Variants in LUZP1 observed in about 807,000 individuals in gnomAD.
LUZP1 encodes leucine zipper protein 1, also known as filamin mechanobinding actin cross-linking protein.
A neutral mutation model predicts 71.3 loss-of-function variants in LUZP1; 25 were observed. The ratio of observed to expected loss-of-function variants is 0.35; its 90% CI spans 0.26 to 0.49. LUZP1 has a LOEUF of 0.49. Ranked by LOEUF, LUZP1 falls within the 20% of genes least tolerant of loss-of-function variation. LUZP1 has a pLI of 0.99. For synonymous variants in LUZP1, 481 were observed against 506.4 expected (o/e 0.95, Z 0.67); for missense variants, 1,142 against 1,300.8 (o/e 0.88, Z 1.88).
intron 2 of LUZP1, among the ~76,000 whole-genome samples, chr1:23,159,595 T>C (rs1048761793): frequency 3.9e-5 from 6 of 152,176 alleles, no homozygotes; most frequent in South Asian, 2.1e-4. Context: ...TGAAACATGA[T>C]AGGTACTCAA....
exon 5 of LUZP1, chr1:23,085,961 C>T (rs1178833830): frequency 1.3e-5 from 2 of 152,210 alleles, no homozygotes. Context: ...AGGAACCCTC[C>T]AACAACCATA....
At chr1:23,095,676 GA>G in intron 3 of LUZP1, among the ~76,000 whole-genome samples, 1 of 152,236 alleles carries the variant, frequency 6.6e-6, no homozygotes, top group Middle Eastern at 3.4e-3. Flanking sequence ...GATAACTAGT[GA>G]AAAAAGTCAC....
At chr1:23,163,674 G>T (rs1387841323) in intron 2 of LUZP1, among the ~76,000 whole-genome samples, 1 of 151,990 alleles carries the variant, frequency 6.6e-6, no homozygotes, top group African/African-American at 2.4e-5. Flanking sequence ...AGTCATAGAT[G>T]ACAACAGCAA....
chr1:23,099,044 T>C (rs1011917716), intron 3 of LUZP1, among the ~76,000 whole-genome samples: 6 of 152,230 alleles, frequency 3.9e-5, no homozygotes, highest in African/African-American at 1.4e-4. Context: ...GGTACATCTT[T>C]CTCTGTCCTC....
At chr1:23,174,296 C>T (rs990918492) in intron 1 of LUZP1, among the ~76,000 whole-genome samples, 1 of 152,110 alleles carries the variant, frequency 6.6e-6, no homozygotes, top group African/African-American at 2.4e-5. Flanking sequence ...ATTTTCCTTC[C>T]TCCTCTTTTT....
intron 2 of LUZP1, among the ~76,000 whole-genome samples, chr1:23,161,827 G>A (rs9426810): frequency 0.096 from 14,620 of 151,910 alleles, 725 homozygotes; most frequent in South Asian, 0.2. Context: ...TTCATGGCCA[G>A]CCTGGCCAAC....
intron 1 of LUZP1, among the ~76,000 whole-genome samples, chr1:23,171,408 G>A (rs530384425): frequency 1.3e-3 from 204 of 152,332 alleles, no homozygotes; most frequent in Middle Eastern, 6.8e-3. Context: ...GCTGGGGTCA[G>A]CGTGTAGTTC....
intron 1 of LUZP1, among the ~76,000 whole-genome samples, chr1:23,177,252 G>GC (rs1474215552): frequency 1.3e-5 from 2 of 152,106 alleles, no homozygotes; most frequent in Admixed American, 1.3e-4. Context: ...GAAGAAAAAT[G>GC]CAACACACAC....
intron 3 of LUZP1, among the ~76,000 whole-genome samples, chr1:23,107,635 T>C (rs374189995): frequency 1.3e-5 from 2 of 152,178 alleles, no homozygotes; most frequent in East Asian, 1.9e-4. Flanking sequence ...ACCCTGTCTC[T>C]ACAAAAAATA....
chr1:23,091,250 G>C (rs761525295), exon 4 of LUZP1: 13 of 1,613,930 alleles, frequency 8.1e-6, no homozygotes, highest in South Asian at 1.1e-5. Flanking sequence ...GATTCCGACG[G>C]GTAAGCACCT....
At chr1:23,145,120 C>T (rs1644332109) in intron 2 of LUZP1, among the ~76,000 whole-genome samples, 1 of 151,716 alleles carries the variant, frequency 6.6e-6, no homozygotes, top group Admixed American at 6.6e-5. Context: ...CCAGGCTGGT[C>T]TCAAATTTCT....
intron 2 of LUZP1, among the ~76,000 whole-genome samples, chr1:23,142,135 C>T (rs1339246176): frequency 1.3e-5 from 2 of 151,982 alleles, no homozygotes; most frequent in Non-Finnish European, 2.9e-5. Context: ...CATGAGCCAC[C>T]GCATCCGGCA....
intron 2 of LUZP1, among the ~76,000 whole-genome samples, chr1:23,111,199 C>CAAAAAA (rs56805419): frequency 1.0e-5 from 1 of 96,270 alleles, no homozygotes; most frequent in Non-Finnish European, 2.1e-5. Flanking sequence ...GACGCTGTCT[C>CAAAAAA]AAAAAAAAAA....
At chr1:23,092,222 T>C (rs1643864561) in exon 4 of LUZP1, 1 of 1,614,162 alleles carries the variant, frequency 6.2e-7, no homozygotes, top group Non-Finnish European at 8.5e-7. Context: ...GCTCTGGCTC[T>C]GGAGTGATGG....
Position 23,142,700 on chromosome 1 carries a change from TACACACACACACACACACACACACAC to T in LUZP1, c.-226+26040_-226+26065del, listed in dbSNP as rs60316911. Among the ~76,000 whole-genome samples the T allele has an allele frequency of 1.0e-3, 107 of 104,354 alleles. 2 individuals carry two copies. The highest frequency in any genetic ancestry group is 1.1e-3 in the Admixed American group (10 of 9,016). The allele number at this position is 104,354 out of a possible 152,430, so 68.5% of individuals were successfully genotyped here. Reference sequence around the variant, plus strand: ...TGGGTGCATAAAATATATATATATATACACACACACACACACACACACACACACACACACACACACACACACACACA... The same window carrying T: ...TGGGTGCATAAAATATATATATATATACACACACACACACACACACACACA... On this transcript the variant is annotated intron_variant, in intron 2 of 4. Transcript: ENST00000302291.
intron 4 of LUZP1, 23 bp from the exon 4 acceptor site, chr1:23,089,076 T>C (rs1279677563): frequency 6.2e-7 from 1 of 1,611,866 alleles, no homozygotes; most frequent in Admixed American, 1.7e-5. Context: ...ATAACAAAAG[T>C]GAGCTGTGGA....
rs759796311 is a variant in LUZP1 at position 23,093,127 on chromosome 1, G to A, written c.1135C>T (p.His379Tyr). ...TTGGACACAGAAGCTTCACTTCCGT[G>A]GCCTCTAAACTTAGTCCTCTCATGT... The change falls in exon 4 of 5, where the codon CAC becomes TAC. Residue 379 changes from histidine to tyrosine, a missense_variant. Transcript: ENST00000302291. The surrounding 1 kb of genome is among the most constrained non-coding windows in gnomAD (Gnocchi z 4.2). The A allele has an allele frequency of 3.1e-6, 5 of 1,613,976 alleles. No homozygotes were observed. The East Asian group carries it at 1.1e-4, about 36-fold the overall frequency.
At chr1:23,169,012 T>C (rs562173880) in exon 2 of LUZP1, 1 of 152,190 alleles carries the variant, frequency 6.6e-6, no homozygotes, top group East Asian at 1.9e-4. Context: ...AGCTGGGTCC[T>C]GTGCTAGGCG....
At chr1:23,127,699 A>G (rs1383510412) in intron 2 of LUZP1, among the ~76,000 whole-genome samples, 1 of 152,004 alleles carries the variant, frequency 6.6e-6, no homozygotes, top group East Asian at 1.9e-4. Context: ...AATTTTTTGC[A>G]TTTTTAGTAG....
Sources: gnomAD v4.1 joint callset for allele counts (sites outside exome capture counted in the v4.1 genomes callset) on GRCh38, gnomAD v4.1.1 for gene constraint, Gnocchi (gnomAD v3.1) non-coding constraint, MANE v1.5 for transcripts, NCBI Gene and HGNC (gene_info 2026-07-23, HGNC 2026-07-21) for gene names.